The following PCDHA11 variants were observed in gnomAD, a reference collection of about 807,000 sequenced individuals.
The protein encoded by PCDHA11 is protocadherin alpha-11.
A neutral mutation model predicts 70.3 loss-of-function variants in PCDHA11; 61 were observed. The observed-to-expected ratio is 0.87, with a 90% CI of 0.71 to 1.07. The LOEUF (loss-of-function observed/expected upper bound fraction) is 1.07, where lower values mean the gene tolerates loss of function less well. PCDHA11 is among the 50% of genes least tolerant of loss of function. PCDHA11 has a pLI of 0.00. For synonymous variants in PCDHA11, 633 were observed against 555.1 expected, an observed-to-expected ratio of 1.14 and a Z score of -1.97; for missense variants, 1,324 against 1,237.5, an observed-to-expected ratio of 1.07 and a Z score of -1.05.
chr5:140,927,811 G>A, intron 1 of PCDHA11: 1 of 1,614,186 alleles, frequency 6.2e-7, no homozygotes, highest in Non-Finnish European at 8.5e-7. Context: ...AACGCTCTTG[G>A]AGGCATACAT....
intron 1 of PCDHA11, chr5:140,968,638 A>T: frequency 6.2e-7 from 1 of 1,614,184 alleles, no homozygotes; most frequent in Non-Finnish European, 8.5e-7. Context: ...TTTACCATCT[A>T]GCCCAGACTT....
chr5:140,967,608 C>T, intron 1 of PCDHA11: 1 of 1,614,160 alleles, frequency 6.2e-7, no homozygotes, highest in Non-Finnish European at 8.5e-7. Flanking sequence ...AAGCTGAATG[C>T]CTCAGACCCG....
intron 2 of PCDHA11, among the ~76,000 whole-genome samples, chr5:140,979,316 G>A (rs782153299): frequency 2.0e-5 from 3 of 151,950 alleles, no homozygotes; most frequent in Non-Finnish European, 4.4e-5. Context: ...CTCTACCTAT[G>A]CTTTCTTTTC....
At chr5:140,883,876 C>A in intron 1 of PCDHA11, 1 of 1,613,214 alleles carries the variant, frequency 6.2e-7, no homozygotes, top group Non-Finnish European at 8.5e-7. Flanking sequence ...TCCAGGTGAG[C>A]GCGCGCGACT....
intron 3 of PCDHA11, among the ~76,000 whole-genome samples, chr5:140,989,715 G>A (rs2097356088): frequency 6.6e-6 from 1 of 152,166 alleles, no homozygotes; most frequent in Non-Finnish European, 1.5e-5. Flanking sequence ...GAGGCAGTCA[G>A]CTTTGCAGTT....
intron 1 of PCDHA11, among the ~76,000 whole-genome samples, chr5:140,978,171 G>C (rs1386184793): frequency 6.6e-6 from 1 of 152,186 alleles, no homozygotes; most frequent in Non-Finnish European, 1.5e-5. Context: ...AGAGTTTGTA[G>C]AGAGAGGGCA....
At chr5:140,986,946 G>A (rs544796668) in intron 3 of PCDHA11, among the ~76,000 whole-genome samples, 9 of 152,230 alleles carry the variant, frequency 5.9e-5, no homozygotes, top group South Asian at 2.1e-4. Context: ...GGGTGTGGTC[G>A]CTCATGCCTG....
At chr5:140,958,703 C>T (rs1302459806) in intron 1 of PCDHA11, among the ~76,000 whole-genome samples, 3 of 152,112 alleles carry the variant, frequency 2.0e-5, no homozygotes, top group Non-Finnish European at 4.4e-5. Flanking sequence ...AGAGTGACAA[C>T]TCTGTTATAA....
At chr5:140,942,406 G>GT (rs1554214961) in intron 1 of PCDHA11, among the ~76,000 whole-genome samples, 2 of 149,658 alleles carry the variant, frequency 1.3e-5, no homozygotes, top group South Asian at 2.1e-4. Flanking sequence ...ATGAGACTCT[G>GT]TTTAAAAAAA....
chr5:140,874,607 T>C (rs534439802), intron 1 of PCDHA11, among the ~76,000 whole-genome samples: 1 of 152,226 alleles, frequency 6.6e-6, no homozygotes, highest in Non-Finnish European at 1.5e-5. Context: ...TTTGGAGGCT[T>C]CAACTAAACA....
chr5:140,975,380 G>A (rs1554236775), intron 1 of PCDHA11, among the ~76,000 whole-genome samples: 2 of 152,220 alleles, frequency 1.3e-5, no homozygotes, highest in African/African-American at 4.8e-5. Flanking sequence ...GTAATCATGG[G>A]AATAAGATCC....
chr5:140,980,684 G>GAA (rs782726576), intron 2 of PCDHA11, among the ~76,000 whole-genome samples: 2 of 145,064 alleles, frequency 1.4e-5, no homozygotes, highest in African/African-American at 5.1e-5. Context: ...TTTTCAAATT[G>GAA]AAAAAAAAAA....
chr5:141,007,311 G>T (rs1268953957), intron 3 of PCDHA11, among the ~76,000 whole-genome samples: 1 of 151,596 alleles, frequency 6.6e-6, no homozygotes, highest in Non-Finnish European at 1.5e-5. Context: ...AGCATTTTGG[G>T]AGGCTAAAGT....
chr5:140,965,999 A>T (rs1300275113), intron 1 of PCDHA11, among the ~76,000 whole-genome samples: 1 of 152,140 alleles, frequency 6.6e-6, no homozygotes, highest in Non-Finnish European at 1.5e-5. Context: ...AGTACTTAAG[A>T]GTGTCCAGGG....
chr5:140,919,201 A>AT (rs1328020690), intron 1 of PCDHA11, among the ~76,000 whole-genome samples: 1 of 152,202 alleles, frequency 6.6e-6, no homozygotes. Flanking sequence ...TTTTGTCATT[A>AT]TAAAATGTCC....
intron 1 of PCDHA11, among the ~76,000 whole-genome samples, chr5:140,941,374 T>C (rs1188935172): frequency 6.7e-6 from 1 of 148,216 alleles, no homozygotes; most frequent in African/African-American, 2.5e-5. Flanking sequence ...TGGAGTGTAG[T>C]GACAGGATTT....
intron 1 of PCDHA11, chr5:140,927,305 C>A: frequency 6.2e-7 from 1 of 1,614,190 alleles, no homozygotes; most frequent in African/African-American, 1.3e-5. Flanking sequence ...GAGTTCCTGA[C>A]GCCCGGAGCC....
At chr5:140,958,098 G>A (rs1170347696) in intron 1 of PCDHA11, among the ~76,000 whole-genome samples, 4 of 152,088 alleles carry the variant, frequency 2.6e-5, no homozygotes, top group South Asian at 2.1e-4. Context: ...ACAATAGTGT[G>A]TAGAGTGTGG....
At chr5:140,982,241 T>G in intron 2 of PCDHA11, 1 of 696,668 alleles carries the variant, frequency 1.4e-6, no homozygotes, top group South Asian at 3.3e-5. Context: ...AGAATTGCCA[T>G]AAAGATAGAA....
Sources: allele counts gnomAD v4.1 joint callset (sites outside exome capture counted in the v4.1 genomes callset), GRCh38; gene constraint gnomAD v4.1.1; transcripts MANE v1.5; gene names NCBI Gene and HGNC (gene_info 2026-07-23, HGNC 2026-07-21).